Variants in LAMB1 observed in about 807,000 individuals in gnomAD.
LAMB1 encodes the protein laminin subunit beta-1.
A neutral mutation model predicts 222.3 loss-of-function variants in LAMB1; 121 were observed. The observed-to-expected ratio is 0.54, with a 90% CI of 0.47 to 0.63. The LOEUF is 0.63. LAMB1 is among the 30% of genes least tolerant of loss of function. The probability of loss-of-function intolerance (pLI) is 0.00; values close to 1 mark genes in which losing one functional copy is unlikely to be tolerated. For synonymous variants in LAMB1, 794 were observed against 807.2 expected, an observed-to-expected ratio of 0.98 and a Z score of 0.28; for missense variants, 2,172 against 2,240.8, an observed-to-expected ratio of 0.97 and a Z score of 0.62.
chr7:107,951,229 G>A lies in LAMB1; in HGVS notation c.3388C>T (p.Arg1130Ter), dbSNP rs2033241248. The stretch of plus-strand genomic sequence containing the variant: ...TGCGAGAACGCCCACAACTCACCTC[G>A]GCACTCCACGTCGGGGTCTCCCCAG... ...LFWGDPDVEC[R>*]ACDCDPRGIE... The change falls in exon 24 of 34, where the codon CGA (arginine) becomes TGA (stop). Residue 1130 changes from arginine to a stop codon, truncating the protein, a stop_gained. Transcript: ENST00000222399. LOFTEE classifies it high-confidence loss of function. 4 of 1,613,536 alleles carry A rather than the reference G, an allele frequency of 2.5e-6. No individual in the cohort carries two copies. The highest frequency in any genetic ancestry group is 2.5e-6 in the Non-Finnish European group (3 of 1,179,518).
At position 107,935,371 on chromosome 7, in the gene LAMB1, T is replaced by TTG; in HGVS notation, c.4188+43_4188+44insCA. 9.2e-6 allele frequency: 11 copies of TTG among 1,195,268 alleles called. 1 individual carries two copies. The highest frequency in any genetic ancestry group is 2.4e-5 in the South Asian group (1 of 41,492). 74.0% of individuals were successfully genotyped at this position (1,195,268 alleles called of 1,614,324 possible). On this transcript the variant is annotated intron_variant, in intron 27 of 33. Transcript: ENST00000222399. ...TGTTTTTTTTTTTTTTTTTTTTTTTTTTGCTTGGCACCATAGCAGTAAGGC... is the reference window on the plus strand; with the variant it reads ...TGTTTTTTTTTTTTTTTTTTTTTTTTTGTTGCTTGGCACCATAGCAGTAAGGC...
At chr7:107,989,788 T>G (rs1563007192) in intron 5 of LAMB1, among the ~76,000 whole-genome samples, 1 of 152,138 alleles carries the variant, frequency 6.6e-6, no homozygotes, top group Non-Finnish European at 1.5e-5. Flanking sequence ...GTGAAAGCCA[T>G]TTCTGGCTGT....
chr7:107,929,955 C>T (rs926444340), intron 29 of LAMB1: 72 of 333,832 alleles, frequency 2.2e-4, no homozygotes, highest in African/African-American at 4.9e-4. Context: ...GAGACAGGAA[C>T]GGCAGAGTAT....
At chr7:107,971,683 A>G (rs2033751667) in intron 13 of LAMB1, among the ~76,000 whole-genome samples, 1 of 151,946 alleles carries the variant, frequency 6.6e-6, no homozygotes, top group Non-Finnish European at 1.5e-5. Flanking sequence ...TGCTTCCCAA[A>G]CTCTCTTGGT....
intron 5 of LAMB1, among the ~76,000 whole-genome samples, chr7:107,989,590 T>A (rs1469504017): frequency 6.6e-6 from 1 of 152,160 alleles, no homozygotes; most frequent in Non-Finnish European, 1.5e-5. Flanking sequence ...TATAAGAAAA[T>A]GATACCGTAT....
intron 9 of LAMB1, 146 bp from the exon 10 acceptor site, chr7:107,976,023 C>T (rs758210188): frequency 1.1e-4 from 69 of 631,118 alleles, no homozygotes; most frequent in Non-Finnish European, 1.6e-4. Context: ...GGAAAAAGGA[C>T]GCATCCACCG....
chr7:107,957,989 G>A (rs952870173), intron 20 of LAMB1, among the ~76,000 whole-genome samples: 11 of 152,086 alleles, frequency 7.2e-5, no homozygotes, highest in African/African-American at 1.9e-4. Flanking sequence ...CATGATGTTC[G>A]TTCAAATGCA....
At chr7:107,940,588 A>T in intron 24 of LAMB1, 1 of 553,574 alleles carries the variant, frequency 1.8e-6, no homozygotes, top group Admixed American at 3.1e-5. Flanking sequence ...GAAATGTTTT[A>T]TATGAATGAT....
At chr7:107,956,248 G>C (rs2033373908) in intron 20 of LAMB1, among the ~76,000 whole-genome samples, 1 of 152,172 alleles carries the variant, frequency 6.6e-6, no homozygotes, top group African/African-American at 2.4e-5. Context: ...GGTCAAGCTG[G>C]TCTCAAACTC....
chr7:107,958,512 C>T (rs1042309628), intron 20 of LAMB1, among the ~76,000 whole-genome samples: 4 of 152,130 alleles, frequency 2.6e-5, no homozygotes, highest in African/African-American at 4.8e-5. Context: ...CAAATATCTT[C>T]GATAGGGCGA....
chr7:107,985,511 C>T (rs1423025830), intron 7 of LAMB1, among the ~76,000 whole-genome samples: 3 of 152,030 alleles, frequency 2.0e-5, no homozygotes, highest in African/African-American at 7.2e-5. Flanking sequence ...CACCTGTAAT[C>T]CCAGCTACTC....
Position 107,986,170 on chromosome 7 carries a change from C to T in LAMB1, c.612+5G>A. On this transcript the variant is annotated splice_donor_5th_base_variant and intron_variant, in intron 6 of 33. Coordinates refer to ENST00000222399, the MANE Select transcript of LAMB1 (RefSeq NM_002291.3). ...GTAGAATGTAAAACACAGAAGCAAA[C>T]AAACCTCTCCTTCAGTTGAGGGTTC... The T allele has an allele frequency of 6.2e-7, 1 of 1,613,524 alleles. No homozygotes were observed. Among genetic ancestry groups the T allele is most frequent in the South Asian group, 1.1e-5 (1 of 91,034 alleles).
At chr7:108,001,399 G>C (rs543755330) in intron 3 of LAMB1, among the ~76,000 whole-genome samples, 159 bp downstream of exon 3, 1 of 152,326 alleles carries the variant, frequency 6.6e-6, no homozygotes, top group South Asian at 2.1e-4. Context: ...AACTGAGATG[G>C]GGCGAAAGGT....
chr7:107,953,431 T>A (rs1476891157), intron 22 of LAMB1, 99 bp downstream of exon 22: 1 of 943,978 alleles, frequency 1.1e-6, no homozygotes, highest in Non-Finnish European at 1.7e-6. Flanking sequence ...AACAAGTGTT[T>A]TCCCAAGTGA....
rs1221433457 is a variant in LAMB1, at chr7:107,940,309, G to A, written c.3441C>T (p.Ser1147=). The change falls in exon 25 of 34, where the codon TCC becomes TCT. Residue 1147 remains serine (S), a synonymous_variant. Coordinates refer to ENST00000222399, the MANE Select transcript of LAMB1 (RefSeq NM_002291.3). ...RGIETPQCDQ[S]TGQCVCVEGV... ...CCTCAACGCAGACACACTGGCCCGT[G>A]GACTGGTCACACTGTGGCGTCTCAA... The A allele has an allele frequency of 1.2e-6, 2 of 1,614,172 alleles. No individual in the cohort carries two copies. Among genetic ancestry groups the A allele is most frequent in the Non-Finnish European group, 8.5e-7 (1 of 1,180,014 alleles).
At chr7:107,991,219 C>A (rs1385153126) in intron 5 of LAMB1, among the ~76,000 whole-genome samples, 3 of 152,070 alleles carry the variant, frequency 2.0e-5, no homozygotes, top group Non-Finnish European at 4.4e-5. Flanking sequence ...AATGTTTTTG[C>A]AACAGAATTA....
In LAMB1 at chr7:108,002,868, C is replaced by A. The variant is rs1338443467; in HGVS notation, c.18G>T (p.Leu6Phe). 1.2e-6 allele frequency: 2 copies of A among 1,614,032 alleles called. No homozygotes were observed. The highest frequency in any genetic ancestry group is 1.7e-6 in the Non-Finnish European group (2 of 1,180,020). The stretch of plus-strand genomic sequence containing the variant: ...AATTACCTAAGAAACTGAAAGCTAG[C>A]AACTGGAGAAGCCCCATGCCGGCTC... MGLLQ[L>F]LAFSFLALCR... is the part of the protein sequence containing the mutation. The change falls in exon 2 of 34, where the codon TTG (leucine) becomes TTT (phenylalanine). Residue 6 changes from leucine (L) to phenylalanine (F), a missense_variant. Coordinates refer to ENST00000222399, the MANE Select transcript of LAMB1 (RefSeq NM_002291.3).
rs2032714405 is a variant in LAMB1 at position 107,931,651 on chromosome 7, G to A, written c.4393-151C>T. On this transcript the variant is annotated intron_variant, in intron 28 of 33. Transcript: ENST00000222399. ...ACTTTCTCCCATTCAACAAAGTATT[G>A]TATCTTACAGACTGCAAGTATTCAG... is the stretch of plus-strand genomic sequence containing the variant. 14 of 701,664 alleles carry A rather than the reference G, an allele frequency of 2.0e-5. No individual in the cohort carries two copies. The South Asian group carries it at 2.2e-4, about 11-fold the overall frequency. 43.5% of individuals were successfully genotyped at this position (701,664 alleles called of 1,614,324 possible).
At chr7:107,948,498 C>G (rs2116384023) in intron 24 of LAMB1, among the ~76,000 whole-genome samples, 1 of 152,284 alleles carries the variant, frequency 6.6e-6, no homozygotes, top group African/African-American at 2.4e-5. Flanking sequence ...GGTATTTTCA[C>G]TTATGCTCAC....
Sources: gnomAD v4.1 joint callset for allele counts (sites outside exome capture counted in the v4.1 genomes callset) on GRCh38, gnomAD v4.1.1 for gene constraint, MANE v1.5 for transcripts, NCBI Gene and HGNC (gene_info 2026-07-23, HGNC 2026-07-21) for gene names.